Variants in SRGAP2 observed in about 807,000 individuals in gnomAD.
SRGAP2 encodes the protein SLIT-ROBO Rho GTPase activating protein 2, also known as SLIT-ROBO Rho GTPase-activating protein 2.
A neutral mutation model predicts 57.2 loss-of-function variants in SRGAP2; 15 were observed. The ratio of observed to expected loss-of-function variants is 0.26; its 90% CI spans 0.18 to 0.40. The LOEUF (loss-of-function observed/expected upper bound fraction) is 0.40. Ranked by LOEUF, SRGAP2 falls within the 10% of genes least tolerant of loss-of-function variation. The pLI, the probability that SRGAP2 is intolerant of heterozygous loss-of-function variation, is 1.00. For synonymous variants in SRGAP2, 249 were observed against 248.0 expected, an observed-to-expected ratio of 1.00 and a Z score of -0.04; for missense variants, 520 against 669.6, an observed-to-expected ratio of 0.78 and a Z score of 2.47.
chr1:206,241,214 A>C (rs1385452860), intron 2 of SRGAP2, among the ~76,000 whole-genome samples: 1 of 152,228 alleles, frequency 6.6e-6, no homozygotes, highest in African/African-American at 2.4e-5. Context: ...CCCCCTAAAA[A>C]ACAAAAGAAA....
rs1322798238 is a variant in SRGAP2 at position 206,281,607 on chromosome 1, C to T, written c.68-21674C>T. Among the ~76,000 whole-genome samples, 4 of 114,100 alleles carry T rather than the reference C, an allele frequency of 3.5e-5. No individual in the cohort carries two copies. In the South Asian group the frequency reaches 9.2e-4, roughly 26 times the overall value. 74.9% of individuals were successfully genotyped at this position (114,100 alleles called of 152,430 possible). Reference sequence around the variant, plus strand: ...CAGCACTTTGGGAGGCTGAGTTGGGCAGATCGCTTGAGGTCAGGAGTTTGA... The same window carrying T: ...CAGCACTTTGGGAGGCTGAGTTGGGTAGATCGCTTGAGGTCAGGAGTTTGA... On this transcript the variant is annotated intron_variant, in intron 2 of 22. Coordinates refer to ENST00000573034, the MANE Select transcript of SRGAP2 (RefSeq NM_015326.5).
rs1224192971 is a variant in SRGAP2, at chr1:206,461,631, G to A, written c.*211G>A. On this transcript the variant is annotated 3_prime_UTR_variant, in exon 23 of 23. Coordinates refer to ENST00000573034, the MANE Select transcript of SRGAP2 (RefSeq NM_015326.5). ...CTGCCCTCTGCTTCCCCCAGTCGTC[G>A]TAATTCAGCCAGCTGCAGTCCGTAC... 4 of 558,134 alleles carry A rather than the reference G, an allele frequency of 7.2e-6. No homozygotes were observed. The East Asian group carries it at 8.8e-5, about 12-fold the overall frequency. 34.6% of individuals were successfully genotyped at this position (558,134 alleles called of 1,614,324 possible). A position where few individuals can be genotyped will look rare whatever the true frequency, so the allele number is the denominator to read the frequency against.
chr1:206,377,444 G>T (rs74567098), intron 4 of SRGAP2, among the ~76,000 whole-genome samples: 2,346 of 147,472 alleles, frequency 0.016, 44 homozygotes, highest in East Asian at 0.049. Flanking sequence ...CAAAGAAAAA[G>T]AATTTACTAT....
intron 10 of SRGAP2, 97 bp from the exon 11 acceptor site, chr1:206,415,792 T>G: frequency 1.4e-6 from 1 of 700,556 alleles, no homozygotes; most frequent in South Asian, 1.5e-5. Context: ...AGAAACCAAA[T>G]GACCTCTATA....
At chr1:206,421,599 C>T (rs137925168) in intron 13 of SRGAP2, among the ~76,000 whole-genome samples, 3 of 152,290 alleles carry the variant, frequency 2.0e-5, no homozygotes, top group Non-Finnish European at 2.9e-5. Context: ...TTGACACTTC[C>T]TACATTTGTG....
At chr1:206,375,521 T>C (rs1655117788) in intron 4 of SRGAP2, among the ~76,000 whole-genome samples, 1 of 152,160 alleles carries the variant, frequency 6.6e-6, no homozygotes, top group South Asian at 2.1e-4. Flanking sequence ...AATGAAAGCT[T>C]AGATTTGATT....
At chr1:206,372,915 CTTT>C (rs1654686851) in intron 4 of SRGAP2, among the ~76,000 whole-genome samples, 2 of 6,230 alleles carry the variant, frequency 3.2e-4, no homozygotes, top group African/African-American at 4.8e-3. Context: ...TTCTTTCTTT[CTTT>C]CTTTCTTTCT....
intron 21 of SRGAP2, chr1:206,455,534 C>T (rs1553378125): frequency 6.0e-6 from 1 of 166,560 alleles, no homozygotes; most frequent in Non-Finnish European, 1.3e-5. Flanking sequence ...CTGTTCCTCC[C>T]CCTGTCCTGC....
chr1:206,234,580 C>T (rs1667818848), intron 2 of SRGAP2, among the ~76,000 whole-genome samples: 2 of 152,230 alleles, frequency 1.3e-5, no homozygotes, highest in South Asian at 4.1e-4. Context: ...TGTGTTTTGT[C>T]TACCAGCAAA....
chr1:206,373,890 GT>G (rs1654953594), intron 4 of SRGAP2, among the ~76,000 whole-genome samples: 1 of 151,278 alleles, frequency 6.6e-6, no homozygotes. Flanking sequence ...TAACACACCT[GT>G]CTCAGTGAAT....
At chr1:206,255,828 C>A (rs1404245549) in intron 2 of SRGAP2, among the ~76,000 whole-genome samples, 1 of 152,010 alleles carries the variant, frequency 6.6e-6, no homozygotes, top group Non-Finnish European at 1.5e-5. Context: ...GAGCTTTGCT[C>A]CCCCATCCTC....
chr1:206,227,000 G>A (rs1170970531), intron 2 of SRGAP2, among the ~76,000 whole-genome samples: 21 of 152,044 alleles, frequency 1.4e-4, no homozygotes, highest in South Asian at 2.1e-4. Flanking sequence ...GCATGAGTGC[G>A]AGCCTCTGAA....
intron 3 of SRGAP2, among the ~76,000 whole-genome samples, chr1:206,307,637 G>A (rs1291746800): frequency 2.0e-5 from 3 of 152,242 alleles, no homozygotes; most frequent in Non-Finnish European, 4.4e-5. Context: ...ATCGAGCACA[G>A]CGCCGATGGG....
In SRGAP2 at chr1:206,341,007, G is replaced by C. The variant is rs1468566174; in HGVS notation, c.261-1839G>C. On this transcript the variant is annotated intron_variant, in intron 3 of 22. Coordinates refer to ENST00000573034, the MANE Select transcript of SRGAP2 (RefSeq NM_015326.5). ...TGGGGCAGGGGGTGAGTGGTACCTG[G>C]ATATAGGTTTAGAACAGTTTCAATT... 5.3e-5 allele frequency among the ~76,000 whole-genome samples: 8 copies of C among 152,330 alleles called. 1 individual carries two copies. The highest frequency in any genetic ancestry group is 2.1e-4 in the South Asian group (1 of 4,828).
chr1:206,348,084 C>G (rs1675779364), intron 4 of SRGAP2, among the ~76,000 whole-genome samples: 1 of 146,874 alleles, frequency 6.8e-6, no homozygotes, highest in Admixed American at 6.6e-5. Flanking sequence ...CTTGCTAGCC[C>G]TCTGGTTTGT....
intron 5 of SRGAP2, among the ~76,000 whole-genome samples, chr1:206,386,108 G>A (rs1219555661): frequency 1.3e-5 from 2 of 152,194 alleles, no homozygotes; most frequent in African/African-American, 4.8e-5. Context: ...ATTTTTGATT[G>A]TCACAACTGG....
chr1:206,242,561 GC>G (rs1668303725), intron 2 of SRGAP2, among the ~76,000 whole-genome samples: 1 of 123,396 alleles, frequency 8.1e-6, no homozygotes, highest in Non-Finnish European at 1.7e-5. Context: ...AGGCCGCTTG[GC>G]CTCTAAGTCA....
At chr1:206,277,811 A>G (rs1177026374) in intron 2 of SRGAP2, among the ~76,000 whole-genome samples, 1 of 152,156 alleles carries the variant, frequency 6.6e-6, no homozygotes, top group African/African-American at 2.4e-5. Flanking sequence ...AAAAATGCAA[A>G]AATAAAAAAA....
chr1:206,280,154 C>G (rs1340726763), intron 2 of SRGAP2, among the ~76,000 whole-genome samples: 1 of 150,688 alleles, frequency 6.6e-6, no homozygotes, highest in African/African-American at 2.5e-5. Flanking sequence ...ACTATGTTGC[C>G]CCAGCTGGTC....
Sources: allele counts gnomAD v4.1 joint callset (sites outside exome capture counted in the v4.1 genomes callset), GRCh38; gene constraint gnomAD v4.1.1; transcripts MANE v1.5; gene names NCBI Gene and HGNC (gene_info 2026-07-23, HGNC 2026-07-21).